The following ARID3A variants were observed in gnomAD, a reference collection of about 807,000 sequenced individuals.
ARID3A encodes AT-rich interaction domain 3A, also known as AT-rich interactive domain-containing protein 3A.
ARID3A carries 11 observed loss-of-function variants against 52.7 expected under a neutral mutation model. The ratio of observed to expected loss-of-function variants is 0.21; its 90% CI spans 0.13 to 0.35. The LOEUF is 0.35. ARID3A is among the 10% of genes least tolerant of loss of function. ARID3A has a pLI of 1.00. For synonymous variants in ARID3A, 404 were observed against 359.4 expected, an observed-to-expected ratio of 1.12 and a Z score of -1.40; for missense variants, 721 against 838.5, an observed-to-expected ratio of 0.86 and a Z score of 1.73.
In ARID3A at chr19:938,400, G is replaced by A. The variant is rs1207419548; in HGVS notation, c.693+5658G>A. Reference sequence around the variant, plus strand: ...CCTCACTGGATCCCAAGGAGCTGCCGTTGAACCTGTTGTGCAGACGAGAAA... The same window carrying A: ...CCTCACTGGATCCCAAGGAGCTGCCATTGAACCTGTTGTGCAGACGAGAAA... On this transcript the variant is annotated intron_variant, in intron 3 of 8. Coordinates refer to ENST00000263620, the MANE Select transcript of ARID3A (RefSeq NM_005224.3). This position sits in a 1 kb window ranked among gnomAD's most constrained non-coding sequence, Gnocchi z 4.0. 2.6e-5 allele frequency among the ~76,000 whole-genome samples: 4 copies of A among 152,200 alleles called. No homozygotes were observed. Among genetic ancestry groups the A allele is most frequent in the African/African-American group, 9.6e-5 (4 of 41,454 alleles).
chr19:964,223 A>G lies in ARID3A; in HGVS notation c.767-25A>G, dbSNP rs1336201602. On this transcript the variant is annotated intron_variant, in intron 4 of 8. Transcript: ENST00000263620. The surrounding 1 kb of genome is among the most constrained non-coding windows in gnomAD (Gnocchi z 5.7). ...CCCTGCAGTGCCCAGGTGGCCCCCA[A>G]CCTCCCTCTCGCCCCTTCCCCCAGG... 2 of 1,593,008 alleles carry G rather than the reference A, an allele frequency of 1.3e-6. No homozygotes were observed. Among genetic ancestry groups the G allele is most frequent in the Non-Finnish European group, 1.7e-6 (2 of 1,166,050 alleles).
At chr19:969,877 G>A (rs1031772373) in intron 8 of ARID3A, among the ~76,000 whole-genome samples, 1 of 151,492 alleles carries the variant, frequency 6.6e-6, no homozygotes, top group African/African-American at 2.4e-5. Context: ...ATTTTTAGTA[G>A]AGATGAGGTT....
chr19:927,287 G>A (rs1285981965), intron 1 of ARID3A, among the ~76,000 whole-genome samples: 1 of 152,124 alleles, frequency 6.6e-6, no homozygotes, highest in Non-Finnish European at 1.5e-5. Context: ...ATAAAATGGG[G>A]GTGGGGGTCG....
rs933236448 is a variant in ARID3A, at chr19:960,013, G to A, written c.694-79G>A. The A allele has an allele frequency of 1.5e-6, 2 of 1,298,834 alleles. No homozygotes were observed. Among genetic ancestry groups the A allele is most frequent in the Admixed American group, 1.9e-5 (1 of 53,176 alleles). 80.5% of individuals were successfully genotyped at this position (1,298,834 alleles called of 1,614,324 possible). Reference sequence around the variant, plus strand: ...ACCCCTGCTCCTGTCCTCCTGACCTGGCCTCCAGTGCAGGAGGGACATGGT... The same window carrying A: ...ACCCCTGCTCCTGTCCTCCTGACCTAGCCTCCAGTGCAGGAGGGACATGGT... On this transcript the variant is annotated intron_variant, in intron 3 of 8. Coordinates refer to ENST00000263620, the MANE Select transcript of ARID3A (RefSeq NM_005224.3). This position sits in a 1 kb window ranked among gnomAD's most constrained non-coding sequence, Gnocchi z 4.3.
chr19:971,904 C>A lies in ARID3A; in HGVS notation c.1621C>A (p.Pro541Thr). The change falls in exon 9 of 9, where the codon CCC becomes ACC. Residue 541 changes from proline (P) to threonine (T), a missense_variant. Coordinates refer to ENST00000263620, the MANE Select transcript of ARID3A (RefSeq NM_005224.3). ...TGVLFAQPPAPTPTSAPNKGG... is the reference protein window; with the variant it reads ...TGVLFAQPPATTPTSAPNKGG... ...AGTTCTGTTTGCTCAGCCGCCGGCC[C>A]CCACGCCAACCTCTGCTCCCAACAA... 4.4e-6 allele frequency: 7 copies of A among 1,603,198 alleles called. No individual in the cohort carries two copies. Among genetic ancestry groups the A allele is most frequent in the Non-Finnish European group, 5.1e-6 (6 of 1,175,010 alleles).
chr19:965,627 G>C (rs10421400), intron 6 of ARID3A, among the ~76,000 whole-genome samples: 25 of 152,118 alleles, frequency 1.6e-4, no homozygotes, highest in African/African-American at 6.0e-4. Flanking sequence ...CCAGGAGGTC[G>C]AGGCTGTGGT....
rs567101558 is a variant in ARID3A at position 930,006 on chromosome 19, G to A, written c.368+110G>A. On this transcript the variant is annotated intron_variant, in intron 2 of 8. Coordinates refer to ENST00000263620, the MANE Select transcript of ARID3A (RefSeq NM_005224.3). ...GGTCAGGTCGCGGGATCTCCTTCCT[G>A]TAATTCCAGCAGTTTGAGAGGCCGA... 4.6e-5 allele frequency: 67 copies of A among 1,442,640 alleles called. No homozygotes were observed. The African/African-American group carries it at 8.4e-4, about 18-fold the overall frequency. The allele number at this position is 1,442,640 out of a possible 1,614,324, so 89.4% of individuals were successfully genotyped here.
chr19:945,638 G>T (rs912768345), intron 3 of ARID3A, among the ~76,000 whole-genome samples: 7 of 152,302 alleles, frequency 4.6e-5, no homozygotes, highest in Middle Eastern at 3.4e-3. Flanking sequence ...AGCCCACCAG[G>T]GAGGGCCCTT....
intron 2 of ARID3A, among the ~76,000 whole-genome samples, chr19:930,755 T>TC (rs2037309007): frequency 6.6e-6 from 1 of 150,404 alleles, no homozygotes; most frequent in Non-Finnish European, 1.5e-5. Flanking sequence ...ATGATCTGCC[T>TC]GCCTTGGCCT....
In ARID3A at chr19:929,212, G is replaced by A. The variant is rs1249884116; in HGVS notation, c.-267-50G>A. ...GGGCCTTCATGGGGAAGGAAGGAGGGGGCTTGAGGAGCTCAGGCCTGCTCT... is the reference window on the plus strand; with the variant it reads ...GGGCCTTCATGGGGAAGGAAGGAGGAGGCTTGAGGAGCTCAGGCCTGCTCT... On this transcript the variant is annotated intron_variant, in intron 1 of 8. Coordinates refer to ENST00000263620, the MANE Select transcript of ARID3A (RefSeq NM_005224.3). The surrounding 1 kb of genome is among the most constrained non-coding windows in gnomAD (Gnocchi z 6.2). The A allele has an allele frequency of 1.7e-5, 3 of 176,536 alleles. No homozygotes were observed. The highest frequency in any genetic ancestry group is 2.4e-5 in the Non-Finnish European group (2 of 84,192). The allele number at this position is 176,536 out of a possible 1,614,324, so 10.9% of individuals were successfully genotyped here.
intron 8 of ARID3A, among the ~76,000 whole-genome samples, chr19:970,455 G>T (rs2038252045): frequency 6.8e-6 from 1 of 147,742 alleles, no homozygotes; most frequent in African/African-American, 2.5e-5. Flanking sequence ...CAACACAGAA[G>T]ACCCCATCTC....
intron 3 of ARID3A, among the ~76,000 whole-genome samples, chr19:935,814 G>A (rs368725013): frequency 2.0e-5 from 3 of 151,970 alleles, no homozygotes; most frequent in East Asian, 1.9e-4. Context: ...TTTTTGAGAC[G>A]GAGTCTCGCT....
chr19:963,691 G>A (rs771831604), intron 4 of ARID3A, among the ~76,000 whole-genome samples: 2 of 152,082 alleles, frequency 1.3e-5, no homozygotes, highest in African/African-American at 2.4e-5. Context: ...CTGGCATAGC[G>A]TAGCCCACAA....
chr19:963,558 C>T (rs116786825), intron 4 of ARID3A, among the ~76,000 whole-genome samples: 1,526 of 152,250 alleles, frequency 0.01, 26 homozygotes, highest in African/African-American at 0.035. Flanking sequence ...GGAGGGGCCA[C>T]GTCTGCAGCC....
chr19:932,216 G>A (rs757263681), intron 2 of ARID3A, among the ~76,000 whole-genome samples: 44 of 152,164 alleles, frequency 2.9e-4, no homozygotes, highest in Non-Finnish European at 5.1e-4. Context: ...GGCTTGTGCT[G>A]TTCTGGGCTA....
At chr19:935,816 A>G (rs1261571635) in intron 3 of ARID3A, among the ~76,000 whole-genome samples, 3 of 150,190 alleles carry the variant, frequency 2.0e-5, no homozygotes, top group African/African-American at 4.9e-5. Flanking sequence ...TTTGAGACGG[A>G]GTCTCGCTCT....
intron 4 of ARID3A, among the ~76,000 whole-genome samples, chr19:962,879 G>A (rs187722784): frequency 2.0e-5 from 3 of 152,272 alleles, no homozygotes; most frequent in East Asian, 1.9e-4. Context: ...GGGGCCGGGC[G>A]GAGGCTCTGG....
chr19:931,615 A>C (rs953956820), intron 2 of ARID3A, among the ~76,000 whole-genome samples: 3 of 152,108 alleles, frequency 2.0e-5, no homozygotes, highest in Admixed American at 6.5e-5. Flanking sequence ...GATCGAGACC[A>C]TCCTGGCTCA....
intron 2 of ARID3A, among the ~76,000 whole-genome samples, chr19:930,665 A>G (rs1441875788): frequency 2.0e-5 from 3 of 150,202 alleles, no homozygotes; most frequent in South Asian, 2.1e-4. Flanking sequence ...GCCCGCCACC[A>G]CGCCTGGCTA....
Sources: gnomAD v4.1 joint callset for allele counts (sites outside exome capture counted in the v4.1 genomes callset) on GRCh38, gnomAD v4.1.1 for gene constraint, Gnocchi (gnomAD v3.1) non-coding constraint, MANE v1.5 for transcripts, NCBI Gene and HGNC (gene_info 2026-07-23, HGNC 2026-07-21) for gene names.